The following SHTN1 variants were observed in gnomAD, a reference collection of about 807,000 sequenced individuals.
SHTN1 encodes the protein shootin 1.
SHTN1 carries 42 observed loss-of-function variants against 83.1 expected under a neutral mutation model. That is an observed-to-expected ratio of 0.51 (90% CI 0.39 to 0.65). The LOEUF is 0.65. Ranked by LOEUF, SHTN1 falls within the 30% of genes least tolerant of loss-of-function variation. SHTN1 has a pLI of 0.00. For synonymous variants in SHTN1, 224 were observed against 247.7 expected, an observed-to-expected ratio of 0.90 and a Z score of 0.90; for missense variants, 622 against 737.8, an observed-to-expected ratio of 0.84 and a Z score of 1.82.
At chr10:117,119,507 G>T (rs1853894161) in intron 1 of SHTN1, among the ~76,000 whole-genome samples, 2 of 152,148 alleles carry the variant, frequency 1.3e-5, no homozygotes, top group African/African-American at 4.8e-5. Context: ...TCTCACTCCA[G>T]TTAAAATGGC....
chr10:117,104,531 G>A (rs1207717764), intron 1 of SHTN1, among the ~76,000 whole-genome samples: 5 of 152,158 alleles, frequency 3.3e-5, no homozygotes, highest in Non-Finnish European at 7.3e-5. Context: ...AGCACTTTGG[G>A]AGGCCGAGGC....
chr10:116,892,297 C>A (rs1411404709), intron 16 of SHTN1, among the ~76,000 whole-genome samples: 9 of 152,176 alleles, frequency 5.9e-5, no homozygotes, highest in Non-Finnish European at 2.9e-5. Flanking sequence ...CAAGGAGGTT[C>A]AGGAAACCGG....
intron 16 of SHTN1, among the ~76,000 whole-genome samples, chr10:116,888,785 G>A (rs1032597896): frequency 3.9e-5 from 6 of 152,154 alleles, no homozygotes; most frequent in South Asian, 2.1e-4. Context: ...CGGACCTTCC[G>A]AGGGTTAAAA....
chr10:117,111,563 A>AT (rs1853768882), intron 1 of SHTN1, among the ~76,000 whole-genome samples: 1 of 152,008 alleles, frequency 6.6e-6, no homozygotes, highest in Non-Finnish European at 1.5e-5. Context: ...AAGTGCTGGG[A>AT]TTACAGGCGT....
Position 116,884,301 on chromosome 10 carries a change from T to C in SHTN1, c.*2043A>G. 2.2e-6 allele frequency: 1 copy of C among 455,946 alleles called. No homozygotes were observed. Among genetic ancestry groups the C allele is most frequent in the South Asian group, 1.6e-5 (1 of 64,430 alleles). 28.2% of individuals were successfully genotyped at this position (455,946 alleles called of 1,614,324 possible). A position where few individuals can be genotyped will look rare whatever the true frequency, so the allele number is the denominator to read the frequency against. ...GGGCAAAACCCCCTCAAAACCAAAG[T>C]GAAAAGGGAAAAACTGTAGGCAGAA... On this transcript the variant is annotated 3_prime_UTR_variant, in exon 17 of 17. Coordinates refer to ENST00000355371, the MANE Select transcript of SHTN1 (RefSeq NM_001127211.3).
chr10:116,918,443 T>C (rs983774833), intron 12 of SHTN1, among the ~76,000 whole-genome samples: 2 of 152,184 alleles, frequency 1.3e-5, no homozygotes, highest in East Asian at 3.8e-4. Flanking sequence ...ACTATTTCTT[T>C]CACTAACTTT....
At chr10:117,053,638 C>A (rs1470332511) in intron 1 of SHTN1, among the ~76,000 whole-genome samples, 1 of 152,166 alleles carries the variant, frequency 6.6e-6, no homozygotes, top group East Asian at 1.9e-4. Flanking sequence ...GACATTGGAA[C>A]CCTCACGCAT....
At chr10:117,121,341 G>A (rs979865636) in intron 1 of SHTN1, among the ~76,000 whole-genome samples, 1 of 152,108 alleles carries the variant, frequency 6.6e-6, no homozygotes, top group Non-Finnish European at 1.5e-5. Context: ...AATTTGGGAG[G>A]CCGAGGTGGG....
chr10:116,920,141 G>T (rs1848505483), intron 12 of SHTN1, among the ~76,000 whole-genome samples: 1 of 152,148 alleles, frequency 6.6e-6, no homozygotes, highest in African/African-American at 2.4e-5. Context: ...ATGGTAATGA[G>T]CTACTCATTA....
In SHTN1 at chr10:116,963,539, G is replaced by C. The variant is rs556900194; in HGVS notation, c.173-3309C>G. On this transcript the variant is annotated intron_variant, in intron 3 of 16. Coordinates refer to ENST00000355371, the MANE Select transcript of SHTN1 (RefSeq NM_001127211.3). ...AGAAAAAAGATGAACTTTTAATAAA[G>C]TGTCCGTAATACTGCAGTTATGTTA... is the stretch of plus-strand genomic sequence containing the variant. 2.0e-5 allele frequency among the ~76,000 whole-genome samples: 3 copies of C among 152,170 alleles called. No homozygotes were observed. In the South Asian group the frequency reaches 6.2e-4, roughly 32 times the overall value.
At chr10:117,117,565 A>G (rs1300758890) in intron 1 of SHTN1, among the ~76,000 whole-genome samples, 1 of 152,354 alleles carries the variant, frequency 6.6e-6, no homozygotes, top group South Asian at 2.1e-4. Flanking sequence ...TGGAACCACA[A>G]AAGATTCCAA....
At chr10:117,121,967 G>C (rs756846984) in intron 1 of SHTN1, among the ~76,000 whole-genome samples, 6 of 152,120 alleles carry the variant, frequency 3.9e-5, no homozygotes, top group Non-Finnish European at 8.8e-5. Context: ...AGGGGGAGAA[G>C]CTTGCAATGA....
At chr10:117,000,135 G>T (rs1246410034) in intron 1 of SHTN1, among the ~76,000 whole-genome samples, 1 of 152,042 alleles carries the variant, frequency 6.6e-6, no homozygotes, top group Non-Finnish European at 1.5e-5. Context: ...GAAAAATACT[G>T]ATGTAAAACC....
At chr10:117,067,602 A>T (rs1039889844) in intron 1 of SHTN1, among the ~76,000 whole-genome samples, 5 of 152,262 alleles carry the variant, frequency 3.3e-5, no homozygotes, top group Middle Eastern at 3.4e-3. Flanking sequence ...CTAAAAAAAA[A>T]TTTTTAAATA....
chr10:116,897,904 C>T (rs537756679), intron 16 of SHTN1, among the ~76,000 whole-genome samples: 3 of 152,236 alleles, frequency 2.0e-5, no homozygotes, highest in African/African-American at 7.2e-5. Context: ...CTTGTTACTC[C>T]CCCTCCCGTC....
intron 1 of SHTN1, among the ~76,000 whole-genome samples, chr10:117,003,739 A>G (rs1463893523): frequency 6.6e-6 from 1 of 152,148 alleles, no homozygotes; most frequent in African/African-American, 2.4e-5. Flanking sequence ...AAGAGAAGTG[A>G]AAGAGCTGCA....
At chr10:116,998,103 A>T (rs978080033) in intron 1 of SHTN1, among the ~76,000 whole-genome samples, 1 of 152,226 alleles carries the variant, frequency 6.6e-6, no homozygotes, top group African/African-American at 2.4e-5. Flanking sequence ...AAAAAAAAGA[A>T]TCAGGGAGTT....
At chr10:116,932,557 T>C (rs1849010996) in intron 9 of SHTN1, among the ~76,000 whole-genome samples, 1 of 152,208 alleles carries the variant, frequency 6.6e-6, no homozygotes, top group African/African-American at 2.4e-5. Context: ...CTCTAGAGTA[T>C]ACTGTATTTC....
chr10:117,048,542 C>T, intron 1 of SHTN1: 1 of 891,802 alleles, frequency 1.1e-6, no homozygotes, highest in Non-Finnish European at 1.3e-6. Context: ...GCATGGCATT[C>T]TAAAATACTG....
Sources: gnomAD v4.1 joint callset for allele counts (sites outside exome capture counted in the v4.1 genomes callset) on GRCh38, gnomAD v4.1.1 for gene constraint, MANE v1.5 for transcripts, NCBI Gene and HGNC (gene_info 2026-07-23, HGNC 2026-07-21) for gene names.